The following KIAA1217 variants were observed in gnomAD, a reference collection of about 807,000 sequenced individuals.
KIAA1217 encodes the protein sickle tail protein homolog.
In KIAA1217, 88 loss-of-function variants were observed where a neutral mutation model predicts 163.9. The ratio of observed to expected loss-of-function variants is 0.54; its 90% CI spans 0.45 to 0.64. The LOEUF is 0.64. KIAA1217 is among the 30% of genes least tolerant of loss of function. KIAA1217 has a pLI of 0.00. For missense variants in KIAA1217, 2,372 were observed against 2,475.0 expected (o/e 0.96, Z 0.88); for synonymous variants, 903 against 923.1 (o/e 0.98, Z 0.39).
rs543754480 is a variant in KIAA1217, at chr10:24,265,253, A to C, written c.354+45344A>C. ...ATATCTTTGACCATAGATGATGCTT[A>C]AGTTGGTCTTTCACGTGGTTTCAGA... On this transcript the variant is annotated intron_variant, in intron 2 of 20. Coordinates refer to ENST00000376454, the MANE Select transcript of KIAA1217 (RefSeq NM_019590.5). Among the ~76,000 whole-genome samples, 3 of 152,336 alleles carry C rather than the reference A, an allele frequency of 2.0e-5. No individual in the cohort carries two copies. The East Asian group carries it at 5.8e-4, about 29-fold the overall frequency.
At position 24,536,833 on chromosome 10, in the gene KIAA1217, G is replaced by T; in HGVS notation, c.3474G>T (p.Arg1158=). 1 of 1,613,978 alleles carries T rather than the reference G, an allele frequency of 6.2e-7. No individual in the cohort carries two copies. The highest frequency in any genetic ancestry group is 8.5e-7 in the Non-Finnish European group (1 of 1,179,966). ...CAAACAGTCATGCTGAGCCATCCCGGGCTGACAGTCACGTTAAAGACACTA... is the reference window on the plus strand; with the variant it reads ...CAAACAGTCATGCTGAGCCATCCCGTGCTGACAGTCACGTTAAAGACACTA... The part of the protein sequence containing the change: ...VNSNSHAEPS[R]ADSHVKDTRS... The change falls in exon 17 of 21, where the codon CGG becomes CGT. Residue 1158 remains arginine (R), a synonymous_variant. Transcript: ENST00000376454.
chr10:23,700,396 C>G (rs1365584726), intron 1 of KIAA1217, among the ~76,000 whole-genome samples: 1 of 152,082 alleles, frequency 6.6e-6, no homozygotes, highest in East Asian at 1.9e-4. Context: ...TGTACCACCC[C>G]CAAAGTCTAG....
At chr10:23,892,107 G>A (rs1303348532) in intron 1 of KIAA1217, among the ~76,000 whole-genome samples, 1 of 151,836 alleles carries the variant, frequency 6.6e-6, no homozygotes, top group African/African-American at 2.4e-5. Flanking sequence ...TATTTCATAT[G>A]TTACAATAGG....
At chr10:24,298,721 T>G (rs1051790644) in intron 2 of KIAA1217, among the ~76,000 whole-genome samples, 13 of 151,936 alleles carry the variant, frequency 8.6e-5, no homozygotes, top group African/African-American at 3.1e-4. Flanking sequence ...TCACTTGAAC[T>G]TGGAAGGCGG....
intron 6 of KIAA1217, among the ~76,000 whole-genome samples, chr10:24,489,921 C>T (rs2065903540): frequency 1.3e-5 from 2 of 150,648 alleles, no homozygotes; most frequent in Admixed American, 1.3e-4. Flanking sequence ...AAAAATCATC[C>T]CCTAAACACA....
chr10:23,735,327 G>A (rs377507443), intron 1 of KIAA1217, among the ~76,000 whole-genome samples: 14 of 152,080 alleles, frequency 9.2e-5, no homozygotes, highest in African/African-American at 3.1e-4. Context: ...TCCACCTCCC[G>A]AGTTCAAGCC....
intron 1 of KIAA1217, among the ~76,000 whole-genome samples, chr10:23,959,993 G>A (rs145685993): frequency 0.021 from 2,879 of 138,340 alleles, 58 homozygotes; most frequent in Admixed American, 0.073. Context: ...TCAGCTCACC[G>A]CAAGCTCCTC....
At chr10:23,896,981 T>C (rs1230328219) in intron 1 of KIAA1217, among the ~76,000 whole-genome samples, 1 of 152,066 alleles carries the variant, frequency 6.6e-6, no homozygotes, top group Non-Finnish European at 1.5e-5. Flanking sequence ...ATGAAAACAC[T>C]TGTGGTAAAT....
intron 1 of KIAA1217, among the ~76,000 whole-genome samples, chr10:23,734,667 A>G (rs1331741930): frequency 6.6e-6 from 1 of 152,114 alleles, no homozygotes; most frequent in Non-Finnish European, 1.5e-5. Flanking sequence ...ATTTTTTTAA[A>G]AAATATTCTT....
chr10:23,896,080 C>T (rs776286360), intron 1 of KIAA1217, among the ~76,000 whole-genome samples: 9 of 151,582 alleles, frequency 5.9e-5, no homozygotes, highest in Admixed American at 2.6e-4. Flanking sequence ...CAGCATGGCA[C>T]ATGTATACAT....
At chr10:24,030,270 T>C (rs1848137419) in intron 2 of KIAA1217, among the ~76,000 whole-genome samples, 1 of 152,156 alleles carries the variant, frequency 6.6e-6, no homozygotes, top group Non-Finnish European at 1.5e-5. Context: ...TCTCAAATTT[T>C]AATCCCCAAG....
chr10:23,998,803 CA>C (rs1259199839), intron 1 of KIAA1217, among the ~76,000 whole-genome samples: 2 of 152,140 alleles, frequency 1.3e-5, no homozygotes, highest in African/African-American at 4.8e-5. Context: ...ATTCTGTGAG[CA>C]AAAACACAAG....
At chr10:24,200,318 T>A (rs1036665695) in intron 2 of KIAA1217, among the ~76,000 whole-genome samples, 36 of 151,874 alleles carry the variant, frequency 2.4e-4, no homozygotes, top group African/African-American at 8.7e-4. Context: ...CCGGCTAATT[T>A]TCTGAAAATA....
intron 1 of KIAA1217, among the ~76,000 whole-genome samples, chr10:23,954,486 G>A (rs1844471137): frequency 6.6e-6 from 1 of 151,888 alleles, no homozygotes; most frequent in South Asian, 2.1e-4. Context: ...GATTGTTTGA[G>A]CCTAGGAGGT....
At chr10:23,798,503 A>G (rs2130950760) in intron 1 of KIAA1217, among the ~76,000 whole-genome samples, 1 of 152,312 alleles carries the variant, frequency 6.6e-6, no homozygotes, top group Middle Eastern at 3.4e-3. Context: ...AAGAAGATAT[A>G]TCCCAAATTG....
At chr10:24,414,733 G>A (rs1400863211) in intron 3 of KIAA1217, among the ~76,000 whole-genome samples, 1 of 152,224 alleles carries the variant, frequency 6.6e-6, no homozygotes, top group Non-Finnish European at 1.5e-5. Flanking sequence ...ACCACTCTCA[G>A]AGCTGTTCAA....
chr10:24,491,367 G>A (rs1253726336), intron 6 of KIAA1217, among the ~76,000 whole-genome samples: 1 of 135,350 alleles, frequency 7.4e-6, no homozygotes, highest in Non-Finnish European at 1.5e-5. Context: ...TCTGCTCACT[G>A]CAACTTCTGC....
chr10:24,332,131 A>G (rs1279976967), intron 2 of KIAA1217, among the ~76,000 whole-genome samples: 1 of 152,156 alleles, frequency 6.6e-6, no homozygotes, highest in Non-Finnish European at 1.5e-5. Flanking sequence ...TTTCTTTTCC[A>G]TGCAAAGCAA....
intron 4 of KIAA1217, among the ~76,000 whole-genome samples, chr10:24,437,920 A>G (rs1028935362): frequency 1.3e-4 from 20 of 149,564 alleles, no homozygotes; most frequent in Middle Eastern, 3.5e-3. Context: ...AAAAAAAAAA[A>G]AAAAAGAAAA....
Sources: gnomAD v4.1 joint callset for allele counts (sites outside exome capture counted in the v4.1 genomes callset) on GRCh38, gnomAD v4.1.1 for gene constraint, MANE v1.5 for transcripts, NCBI Gene and HGNC (gene_info 2026-07-23, HGNC 2026-07-21) for gene names.